The following SLX4IP variants were observed in gnomAD, a reference collection of about 807,000 sequenced individuals.
SLX4IP encodes the protein protein SLX4IP.
In SLX4IP, 34 loss-of-function variants were observed where a neutral mutation model predicts 32.9. The ratio of observed to expected loss-of-function variants is 1.03; its 90% CI spans 0.79 to 1.38. The LOEUF (loss-of-function observed/expected upper bound fraction) is 1.38. Ranked by LOEUF, SLX4IP falls within the 40% of genes most tolerant of loss-of-function variation. SLX4IP has a pLI of 0.00. For missense variants in SLX4IP, 444 were observed against 479.0 expected (o/e 0.93, Z 0.68); for synonymous variants, 172 against 171.7 (o/e 1.00, Z -0.01).
chr20:10,556,466 C>A, intron 3 of SLX4IP, 146 bp downstream of exon 3: 3 of 764,880 alleles, frequency 3.9e-6, no homozygotes, highest in Non-Finnish European at 6.3e-6. Flanking sequence ...CAATGACAGA[C>A]ACATATGCAC....
intron 1 of SLX4IP, among the ~76,000 whole-genome samples, chr20:10,446,134 C>T (rs1392861867): frequency 2.0e-5 from 3 of 151,812 alleles, no homozygotes; most frequent in Non-Finnish European, 4.4e-5. Flanking sequence ...ACTATGATGG[C>T]CGGATGCGGT....
rs1442712868 is a variant in SLX4IP at position 10,447,730 on chromosome 20, G to T, written c.-29-10446G>T. Among the ~76,000 whole-genome samples, 3 of 151,754 alleles carry T rather than the reference G, an allele frequency of 2.0e-5. No individual in the cohort carries two copies. In the East Asian group the frequency reaches 5.8e-4, roughly 29 times the overall value. Reference sequence around the variant, plus strand: ...TTTTTGTTTTTGTGTTTTGAGACAGGGTCTCTGTCACCCAGGCTGGAGTGC... The same window carrying T: ...TTTTTGTTTTTGTGTTTTGAGACAGTGTCTCTGTCACCCAGGCTGGAGTGC... On this transcript the variant is annotated intron_variant, in intron 1 of 7. Coordinates refer to ENST00000334534, the MANE Select transcript of SLX4IP (RefSeq NM_001009608.3).
chr20:10,556,575 G>A (rs568156017), intron 3 of SLX4IP, among the ~76,000 whole-genome samples: 48 of 152,114 alleles, frequency 3.2e-4, no homozygotes, highest in African/African-American at 1.2e-3. Flanking sequence ...TTTGGGGGAA[G>A]GATTTCTATA....
intron 1 of SLX4IP, among the ~76,000 whole-genome samples, chr20:10,450,210 G>T (rs1302721706): frequency 6.6e-6 from 1 of 152,058 alleles, no homozygotes. Context: ...ACCTGTGATG[G>T]TTACTTATTG....
In SLX4IP at chr20:10,518,370, TCTC is replaced by T. The variant is rs1412790235; in HGVS notation, c.28-37860_28-37858del. On this transcript the variant is annotated intron_variant, in intron 2 of 7. Coordinates refer to ENST00000334534, the MANE Select transcript of SLX4IP (RefSeq NM_001009608.3). ...TTCTTTCTCTCTTTCTTTCTTTCTC[TCTC>T]TCTTTCTTTCCTTCTTCCTTTCTTT... Among the ~76,000 whole-genome samples, 606 of 149,404 alleles carry T rather than the reference TCTC, an allele frequency of 4.1e-3. 22 individuals carry two copies. Among genetic ancestry groups the T allele is most frequent in the Non-Finnish European group, 6.5e-3 (433 of 66,972 alleles).
intron 2 of SLX4IP, among the ~76,000 whole-genome samples, chr20:10,533,698 C>T (rs1224308216): frequency 7.5e-5 from 11 of 146,636 alleles, no homozygotes; most frequent in African/African-American, 2.5e-4. Flanking sequence ...TAGCTCACTG[C>T]AAGCTCCACC....
intron 2 of SLX4IP, among the ~76,000 whole-genome samples, chr20:10,476,911 A>C (rs558188904): frequency 1.3e-5 from 2 of 152,380 alleles, no homozygotes; most frequent in African/African-American, 4.8e-5. Context: ...TGTGTTTAAT[A>C]AAAGTGAATG....
chr20:10,547,953 A>T (rs1363805952), intron 2 of SLX4IP, among the ~76,000 whole-genome samples: 1 of 152,216 alleles, frequency 6.6e-6, no homozygotes, highest in Non-Finnish European at 1.5e-5. Flanking sequence ...TGCTAGTCTC[A>T]GTGTGACACT....
chr20:10,608,424 G>T (rs1286928685), intron 6 of SLX4IP, among the ~76,000 whole-genome samples: 1 of 152,120 alleles, frequency 6.6e-6, no homozygotes, highest in Non-Finnish European at 1.5e-5. Context: ...CCAGCACTTT[G>T]GGAGGCCGAG....
At chr20:10,504,283 A>G (rs1274081583) in intron 2 of SLX4IP, among the ~76,000 whole-genome samples, 1 of 152,200 alleles carries the variant, frequency 6.6e-6, no homozygotes, top group East Asian at 1.9e-4. Flanking sequence ...GTCCAGGAGC[A>G]CTGGAAGAGT....
At chr20:10,548,374 G>T (rs888333851) in intron 2 of SLX4IP, among the ~76,000 whole-genome samples, 4 of 152,140 alleles carry the variant, frequency 2.6e-5, no homozygotes, top group Non-Finnish European at 5.9e-5. Context: ...GAGTAGCTGG[G>T]ACTACAGGCG....
chr20:10,457,840 C>CTTTTTTTT (rs111482953), intron 1 of SLX4IP, among the ~76,000 whole-genome samples: 1 of 145,362 alleles, frequency 6.9e-6, no homozygotes, highest in Admixed American at 6.9e-5. Context: ...GCTTTTCTCT[C>CTTTTTTTT]TTTTTTTTTT....
chr20:10,483,072 C>G (rs1234626734), intron 2 of SLX4IP, among the ~76,000 whole-genome samples: 1 of 152,154 alleles, frequency 6.6e-6, no homozygotes, highest in Non-Finnish European at 1.5e-5. Context: ...TATGTATTAT[C>G]TATATATCAC....
intron 4 of SLX4IP, among the ~76,000 whole-genome samples, chr20:10,562,504 T>G (rs2066344076): frequency 6.6e-6 from 1 of 152,058 alleles, no homozygotes; most frequent in South Asian, 2.1e-4. Context: ...CGCCTGTGTG[T>G]GTGCCCGCTA....
chr20:10,526,599 A>G (rs2122456979), intron 2 of SLX4IP, among the ~76,000 whole-genome samples: 1 of 152,248 alleles, frequency 6.6e-6, no homozygotes, highest in African/African-American at 2.4e-5. Context: ...ATTGCCACAA[A>G]CCAAGTGGTT....
chr20:10,596,505 A>G (rs772735836), intron 4 of SLX4IP, among the ~76,000 whole-genome samples: 5 of 152,170 alleles, frequency 3.3e-5, no homozygotes, highest in Non-Finnish European at 5.9e-5. Context: ...CTGAGGTTAC[A>G]GGCATGAGCA....
At chr20:10,601,329 G>T (rs978192479) in intron 5 of SLX4IP, among the ~76,000 whole-genome samples, 1 of 152,142 alleles carries the variant, frequency 6.6e-6, no homozygotes, top group Non-Finnish European at 1.5e-5. Context: ...ACATTGATAG[G>T]TCACATTTTT....
At chr20:10,567,941 G>A (rs190772678) in intron 4 of SLX4IP, among the ~76,000 whole-genome samples, 45 of 152,304 alleles carry the variant, frequency 3.0e-4, no homozygotes, top group Middle Eastern at 3.4e-3. Context: ...ATTTTTATCT[G>A]TTCATAACTG....
chr20:10,482,206 T>A (rs1285387028), intron 2 of SLX4IP, among the ~76,000 whole-genome samples: 1 of 152,194 alleles, frequency 6.6e-6, no homozygotes, highest in Non-Finnish European at 1.5e-5. Flanking sequence ...ATTGATTGAT[T>A]TTTTCCTGCT....
Sources: gnomAD v4.1 joint callset for allele counts (sites outside exome capture counted in the v4.1 genomes callset) on GRCh38, gnomAD v4.1.1 for gene constraint, MANE v1.5 for transcripts, NCBI Gene and HGNC (gene_info 2026-07-23, HGNC 2026-07-21) for gene names.